Variants in LIN7A observed in about 807,000 individuals in gnomAD.
LIN7A encodes the protein lin-7 cell polarity scaffold A.
Under a neutral mutation model 29.8 loss-of-function variants are expected in LIN7A, and 25 were observed. That is an observed-to-expected ratio of 0.84 (90% CI 0.61 to 1.17). The LOEUF (loss-of-function observed/expected upper bound fraction) is 1.17. LIN7A is among the 50% of genes most tolerant of loss of function. The pLI is 0.00. For synonymous variants in LIN7A, 118 were observed against 107.5 expected, an observed-to-expected ratio of 1.10 and a Z score of -0.60; for missense variants, 239 against 287.0, an observed-to-expected ratio of 0.83 and a Z score of 1.21.
Position 80,880,298 on chromosome 12 carries a change from A to G in LIN7A, c.201+8953T>C, listed in dbSNP as rs1874959660. 2.0e-5 allele frequency among the ~76,000 whole-genome samples: 3 copies of G among 152,276 alleles called. No individual in the cohort carries two copies. In the South Asian group the frequency reaches 6.2e-4, roughly 32 times the overall value. ...CTAACATCTACAAAGAAGTCCATCC[A>G]TGAATAAACCTCTCTTGTCAAATTG... On this transcript the variant is annotated intron_variant, in intron 2 of 5. Coordinates refer to ENST00000552864, the MANE Select transcript of LIN7A (RefSeq NM_004664.4).
chr12:80,799,280 T>G (rs944225632), intron 5 of LIN7A, among the ~76,000 whole-genome samples: 1 of 152,204 alleles, frequency 6.6e-6, no homozygotes, highest in Non-Finnish European at 1.5e-5. Context: ...ACAATTTATT[T>G]TTAAGAAAAG....
intron 1 of LIN7A, among the ~76,000 whole-genome samples, chr12:80,907,053 C>CTGTG (rs1491359652): frequency 0.12 from 16,577 of 132,702 alleles, 1,238 homozygotes; most frequent in Non-Finnish European, 0.16. Context: ...AGAGTGCGTG[C>CTGTG]TCTGTGTGTG....
rs571750810 is a variant in LIN7A, at chr12:80,794,165, A to G, written c.*3562T>C. 28 of 152,286 alleles carry G rather than the reference A, an allele frequency of 1.8e-4. No individual in the cohort carries two copies. The highest frequency in any genetic ancestry group is 6.5e-4 in the African/African-American group (27 of 41,570). The allele number at this position is 152,286 out of a possible 1,614,324, so 9.4% of individuals were successfully genotyped here. On this transcript the variant is annotated 3_prime_UTR_variant, in exon 6 of 6. Coordinates refer to ENST00000552864, the MANE Select transcript of LIN7A (RefSeq NM_004664.4). ...ATTTGTGAGATTTTCAGAAGGCAAAATCCATGTTTTTTGTCTATTCACTGA... is the reference window on the plus strand; with the variant it reads ...ATTTGTGAGATTTTCAGAAGGCAAAGTCCATGTTTTTTGTCTATTCACTGA...
rs1870352208 is a variant in LIN7A at position 80,794,432 on chromosome 12, GT to G, written c.*3294del. ...GTGTCTGTATGATAAAAACAAACTA[GT>G]TAAAAGATGAGAAATTTAGGCATTA... On this transcript the variant is annotated 3_prime_UTR_variant, in exon 6 of 6. Coordinates refer to ENST00000552864, the MANE Select transcript of LIN7A (RefSeq NM_004664.4). The G allele has an allele frequency of 6.6e-6, 1 of 152,226 alleles. No individual in the cohort carries two copies. The highest frequency in any genetic ancestry group is 2.4e-5 in the African/African-American group (1 of 41,552). 9.4% of individuals were successfully genotyped at this position (152,226 alleles called of 1,614,324 possible).
chr12:80,867,141 A>G (rs1482815133), intron 2 of LIN7A, among the ~76,000 whole-genome samples: 1 of 152,152 alleles, frequency 6.6e-6, no homozygotes, highest in East Asian at 1.9e-4. Context: ...TTGTAGAGAC[A>G]GGGTCTTGCC....
chr12:80,882,284 A>ATTTT (rs1463134808), intron 2 of LIN7A, among the ~76,000 whole-genome samples: 1 of 71,986 alleles, frequency 1.4e-5, no homozygotes, highest in Non-Finnish European at 5.2e-5. Flanking sequence ...TTTTTCTTTC[A>ATTTT]TTCTTTTTTT....
chr12:80,864,631 A>C (rs1484112691), intron 2 of LIN7A, among the ~76,000 whole-genome samples: 2 of 152,206 alleles, frequency 1.3e-5, no homozygotes, highest in African/African-American at 4.8e-5. Flanking sequence ...TAAAAAGCCC[A>C]GACCTGAAAA....
intron 2 of LIN7A, among the ~76,000 whole-genome samples, chr12:80,864,421 A>T (rs1307311266): frequency 6.6e-6 from 1 of 151,850 alleles, no homozygotes; most frequent in East Asian, 1.9e-4. Context: ...CCATTTTAGG[A>T]TGAAAGCATT....
chr12:80,936,659 C>T (rs1329895283), intron 1 of LIN7A: 5 of 152,480 alleles, frequency 3.3e-5, no homozygotes, highest in African/African-American at 1.2e-4. Context: ...GAAACCCACA[C>T]ACTCAGGGAC....
chr12:80,824,275 T>C (rs1871952276), intron 4 of LIN7A, among the ~76,000 whole-genome samples: 1 of 152,092 alleles, frequency 6.6e-6, no homozygotes. Flanking sequence ...AGGAGATGGA[T>C]AAATTCCTGG....
intron 1 of LIN7A, among the ~76,000 whole-genome samples, chr12:80,893,108 A>G (rs532479787): frequency 4.6e-5 from 7 of 152,332 alleles, no homozygotes; most frequent in African/African-American, 1.7e-4. Flanking sequence ...AGAAAAGTGA[A>G]TGAAATGATT....
At chr12:80,922,964 C>T (rs1464621475) in intron 1 of LIN7A, among the ~76,000 whole-genome samples, 1 of 152,106 alleles carries the variant, frequency 6.6e-6, no homozygotes, top group Non-Finnish European at 1.5e-5. Context: ...TACCCCCTTG[C>T]ATAAGTGGGG....
chr12:80,873,052 A>AG (rs1351316974), intron 2 of LIN7A, among the ~76,000 whole-genome samples: 1 of 152,198 alleles, frequency 6.6e-6, no homozygotes, highest in African/African-American at 2.4e-5. Flanking sequence ...CTTTAGAAAG[A>AG]TGTGTGTGGC....
At chr12:80,859,985 C>A (rs1254934381) in intron 2 of LIN7A, among the ~76,000 whole-genome samples, 1 of 152,104 alleles carries the variant, frequency 6.6e-6, no homozygotes, top group Non-Finnish European at 1.5e-5. Context: ...GCTTATTCTA[C>A]TTAAAGCTTC....
intron 4 of LIN7A, among the ~76,000 whole-genome samples, chr12:80,840,194 G>A (rs896142880): frequency 1.3e-5 from 2 of 152,150 alleles, no homozygotes; most frequent in African/African-American, 4.8e-5. Flanking sequence ...GAAAAGTAAT[G>A]TACAGGGACA....
intron 1 of LIN7A, among the ~76,000 whole-genome samples, chr12:80,897,784 G>T (rs1257779240): frequency 6.6e-6 from 1 of 151,886 alleles, no homozygotes; most frequent in East Asian, 1.9e-4. Context: ...CAGCCTGGGC[G>T]ACAGAGTAAG....
intron 2 of LIN7A, chr12:80,861,230 T>G (rs1467379805): frequency 6.6e-6 from 1 of 152,246 alleles, no homozygotes; most frequent in Non-Finnish European, 1.5e-5. Context: ...GCACAACACT[T>G]TGGTGCCTGC....
At chr12:80,868,822 C>G (rs1362347214) in intron 2 of LIN7A, among the ~76,000 whole-genome samples, 1 of 152,158 alleles carries the variant, frequency 6.6e-6, no homozygotes, top group African/African-American at 2.4e-5. Flanking sequence ...GTACTTGCCT[C>G]TGGGCTGGTT....
intron 2 of LIN7A, among the ~76,000 whole-genome samples, chr12:80,869,739 A>G (rs1874330677): frequency 7.0e-6 from 1 of 142,132 alleles, no homozygotes; most frequent in Admixed American, 7.2e-5. Flanking sequence ...CAACCACATT[A>G]CGCCAATGGT....
Sources: allele counts gnomAD v4.1 joint callset (sites outside exome capture counted in the v4.1 genomes callset), GRCh38; gene constraint gnomAD v4.1.1; transcripts MANE v1.5; gene names NCBI Gene and HGNC (gene_info 2026-07-23, HGNC 2026-07-21).